SGCD: variants seen among roughly 807,000 people sequenced by gnomAD.
SGCD encodes delta-sarcoglycan.
SGCD carries 18 observed loss-of-function variants against 36.6 expected under a neutral mutation model. The observed-to-expected ratio is 0.49, with a 90% CI of 0.34 to 0.73. The LOEUF (loss-of-function observed/expected upper bound fraction) is 0.73. SGCD is among the 30% of genes least tolerant of loss of function. The pLI, the probability that SGCD is intolerant of heterozygous loss-of-function variation, is 0.01. For missense variants in SGCD, 387 were observed against 346.7 expected (o/e 1.12, Z -0.92); for synonymous variants, 133 against 130.6 (o/e 1.02, Z -0.12).
At chr5:156,627,779 TAAAC>T (rs1218543769) in intron 6 of SGCD, among the ~76,000 whole-genome samples, 5 of 152,308 alleles carry the variant, frequency 3.3e-5, no homozygotes, top group South Asian at 2.1e-4. Context: ...TTTAAAAAAA[TAAAC>T]AATGAGTTTG....
At chr5:156,546,465 T>A (rs1031599255) in intron 4 of SGCD, among the ~76,000 whole-genome samples, 3 of 152,198 alleles carry the variant, frequency 2.0e-5, no homozygotes, top group South Asian at 4.1e-4. Context: ...ACTACTACCA[T>A]GGTAGATTCT....
At chr5:155,787,678 G>T in the SGCD span, among the ~76,000 whole-genome samples, 2 of 152,172 alleles carry the variant, frequency 1.3e-5, no homozygotes, top group Non-Finnish European at 2.9e-5. Flanking sequence ...GGATGGAGCA[G>T]ATTGCCAAGG....
intron 3 of SGCD, among the ~76,000 whole-genome samples, chr5:156,386,024 T>C (rs923283863): frequency 9.9e-5 from 15 of 152,222 alleles, no homozygotes; most frequent in Non-Finnish European, 1.6e-4. Flanking sequence ...CCAGATCTCC[T>C]ATCAGGTAAT....
At chr5:156,688,764 A>G (rs1754002036) in intron 7 of SGCD, among the ~76,000 whole-genome samples, 1 of 152,210 alleles carries the variant, frequency 6.6e-6, no homozygotes, top group Admixed American at 6.5e-5. Flanking sequence ...GTATTCAGTG[A>G]GGAGAAAATC....
In SGCD at chr5:156,766,439, T is replaced by G. The variant is rs2113212590; in HGVS notation, c.*7049T>G. On this transcript the variant is annotated 3_prime_UTR_variant, in exon 9 of 9. Transcript: ENST00000337851. ...AGCCATCATTAATGGGCCATACCCT[T>G]CCCCAGGTGCAGAATTCTCCTCCCC... is the stretch of plus-strand genomic sequence containing the variant. 6.6e-6 allele frequency: 1 copy of G among 151,706 alleles called. No individual in the cohort carries two copies. The highest frequency in any genetic ancestry group is 1.9e-4 in the East Asian group (1 of 5,166). 9.4% of individuals were successfully genotyped at this position (151,706 alleles called of 1,614,324 possible).
chr5:155,969,249 G>A (rs893389771), intron 1 of SGCD, among the ~76,000 whole-genome samples: 14 of 152,086 alleles, frequency 9.2e-5, no homozygotes, highest in African/African-American at 3.1e-4. Context: ...CATGGCATAG[G>A]TAGACAATGT....
the SGCD span, among the ~76,000 whole-genome samples, chr5:155,810,979 G>A: frequency 7.0e-6 from 1 of 143,226 alleles, no homozygotes; most frequent in East Asian, 2.0e-4. Flanking sequence ...CACTATGCCC[G>A]GCTAATTTTT....
intron 7 of SGCD, among the ~76,000 whole-genome samples, chr5:156,700,955 AAAAAG>A (rs1338119995): frequency 2.0e-5 from 3 of 151,514 alleles, no homozygotes; most frequent in African/African-American, 4.8e-5. Context: ...AAAAAAAAAA[AAAAAG>A]AGAGAGAGAG....
chr5:155,842,564 T>A, the SGCD span, among the ~76,000 whole-genome samples: 1 of 151,578 alleles, frequency 6.6e-6, no homozygotes, highest in Non-Finnish European at 1.5e-5. Context: ...AGAGTGAGAC[T>A]CCATCTCAAC....
rs1757546493 is a variant in SGCD, at chr5:156,764,212, T to C, written c.*4822T>C. The stretch of plus-strand genomic sequence containing the variant: ...CAAAGATAAAATGTCTTTCTTGTGG[T>C]CTTTCATCACTATCTCCGTGGTGGA... On this transcript the variant is annotated 3_prime_UTR_variant, in exon 9 of 9. Coordinates refer to ENST00000337851, the MANE Select transcript of SGCD (RefSeq NM_000337.6). 6.6e-6 allele frequency: 1 copy of C among 152,636 alleles called. No individual in the cohort carries two copies. Among genetic ancestry groups the C allele is most frequent in the African/African-American group, 2.4e-5 (1 of 41,458 alleles). The allele number at this position is 152,636 out of a possible 1,614,324, so 9.5% of individuals were successfully genotyped here.
At position 156,122,450 on chromosome 5, in the gene SGCD, G is replaced by A. The variant is rs907251012; in HGVS notation, c.-207-1406G>A. On this transcript the variant is annotated intron_variant, in intron 2 of 9. Coordinates refer to the SGCD transcript ENST00000517913. ...AATTTTAAACAGGGTAATTTTACAA[G>A]GGTCCTCACTGGAAAGGTAACATTT... Among the ~76,000 whole-genome samples the A allele has an allele frequency of 1.6e-4, 24 of 152,066 alleles. 1 individual carries two copies. Among genetic ancestry groups the A allele is most frequent in the African/African-American group, 9.7e-5 (4 of 41,398 alleles).
chr5:156,531,011 T>G (rs1310480895), intron 4 of SGCD, among the ~76,000 whole-genome samples: 1 of 152,188 alleles, frequency 6.6e-6, no homozygotes, highest in Non-Finnish European at 1.5e-5. Flanking sequence ...AAAACTCATG[T>G]GTTAAAACTT....
At chr5:156,598,006 C>A (rs1027282887) in intron 6 of SGCD, among the ~76,000 whole-genome samples, 5 of 152,110 alleles carry the variant, frequency 3.3e-5, no homozygotes, top group African/African-American at 1.2e-4. Flanking sequence ...TGGCCTCTAT[C>A]TGGTCTCATT....
chr5:156,344,714 C>T (rs748648634), intron 3 of SGCD, 37 bp downstream of exon 3: 20 of 1,501,020 alleles, frequency 1.3e-5, no homozygotes, highest in Middle Eastern at 1.7e-4. Flanking sequence ...AGCTTTCTTC[C>T]GGGAGGGGAA....
chr5:156,557,407 G>C (rs954960350), intron 4 of SGCD, among the ~76,000 whole-genome samples: 1 of 152,072 alleles, frequency 6.6e-6, no homozygotes, highest in Non-Finnish European at 1.5e-5. Context: ...CATGAATTTG[G>C]GGGAAGCCAA....
At chr5:156,083,730 T>G (rs1561712815) in intron 1 of SGCD, among the ~76,000 whole-genome samples, 1 of 152,152 alleles carries the variant, frequency 6.6e-6, no homozygotes, top group African/African-American at 2.4e-5. Flanking sequence ...ATTTGTCTAT[T>G]TCTTTGAGCT....
chr5:156,652,025 T>C (rs1561838744), intron 7 of SGCD, among the ~76,000 whole-genome samples: 1 of 152,062 alleles, frequency 6.6e-6, no homozygotes, highest in Non-Finnish European at 1.5e-5. Context: ...AGTTATTTTA[T>C]TTTTTGTGTG....
intron 1 of SGCD, among the ~76,000 whole-genome samples, chr5:155,904,108 C>A (rs1756450638): frequency 6.6e-6 from 1 of 152,134 alleles, no homozygotes; most frequent in South Asian, 2.1e-4. Context: ...TCTTCATATG[C>A]CTTTGGGAAG....
chr5:156,478,733 G>T (rs142800814), intron 3 of SGCD, among the ~76,000 whole-genome samples: 2 of 151,716 alleles, frequency 1.3e-5, no homozygotes, highest in African/African-American at 4.8e-5. Context: ...GGTGTGAGCC[G>T]CTACGCCTAG....
Sources: allele counts gnomAD v4.1 joint callset (sites outside exome capture counted in the v4.1 genomes callset), GRCh38; gene constraint gnomAD v4.1.1; transcripts MANE v1.5; gene names NCBI Gene and HGNC (gene_info 2026-07-23, HGNC 2026-07-21).